The following GRIK4 variants were observed in gnomAD, a reference collection of about 807,000 sequenced individuals.
The protein encoded by GRIK4 is glutamate ionotropic receptor kainate type subunit 4, also known as glutamate receptor ionotropic, kainate 4.
Under a neutral mutation model 104.9 loss-of-function variants are expected in GRIK4, and 40 were observed. That is an observed-to-expected ratio of 0.38 (90% CI 0.30 to 0.50). GRIK4 has a LOEUF of 0.50. GRIK4 is among the 20% of genes least tolerant of loss of function. The probability of loss-of-function intolerance (pLI) is 0.93; values close to 1 mark genes in which losing one functional copy is unlikely to be tolerated. For missense variants in GRIK4, 1,047 were observed against 1,308.1 expected, an observed-to-expected ratio of 0.80 and a Z score of 3.08; for synonymous variants, 485 against 524.9, an observed-to-expected ratio of 0.92 and a Z score of 1.04.
At chr11:120,659,374 A>G (rs1466193248) in intron 2 of GRIK4, among the ~76,000 whole-genome samples, 1 of 152,202 alleles carries the variant, frequency 6.6e-6, no homozygotes, top group Admixed American at 6.5e-5. Context: ...TTTGCTAGGA[A>G]TGGACCGCTC....
intron 3 of GRIK4, among the ~76,000 whole-genome samples, chr11:120,714,157 A>T (rs1950786870): frequency 6.6e-6 from 1 of 152,246 alleles, no homozygotes; most frequent in Non-Finnish European, 1.5e-5. Flanking sequence ...CACCATGTGG[A>T]TGCAAAAGTG....
intron 1 of GRIK4, among the ~76,000 whole-genome samples, chr11:120,519,366 C>G (rs2136072211): frequency 6.6e-6 from 1 of 152,290 alleles, no homozygotes; most frequent in East Asian, 1.9e-4. Flanking sequence ...AGTCATGGAG[C>G]AGAGCCCTCA....
At chr11:120,982,006 T>C (rs1944660868) in intron 19 of GRIK4, 100 bp from the exon 20 acceptor site, 1 of 815,108 alleles carries the variant, frequency 1.2e-6, no homozygotes, top group Admixed American at 1.8e-5. Flanking sequence ...GCATCTACCA[T>C]ACTCAAGTTC....
chr11:120,615,117 CATCTT>C (rs1462796281), intron 1 of GRIK4, among the ~76,000 whole-genome samples: 1 of 152,246 alleles, frequency 6.6e-6, no homozygotes, highest in Non-Finnish European at 1.5e-5. Flanking sequence ...CTGTGTATCT[CATCTT>C]GGTCCTTTTG....
At chr11:120,751,915 C>A (rs1390660828) in intron 3 of GRIK4, among the ~76,000 whole-genome samples, 2 of 152,142 alleles carry the variant, frequency 1.3e-5, no homozygotes, top group East Asian at 3.9e-4. Flanking sequence ...GGGAGGGGAT[C>A]TCAGGAATCT....
rs1256963732 is a variant in GRIK4, at chr11:120,800,690, G to A, written c.83-2003G>A. On this transcript the variant is annotated intron_variant, in intron 3 of 20. Transcript: ENST00000527524. ...TTTATTATTCAATGAAGTTATGCAT[G>A]TAAATAAATCCACAAATCAAGGAAG... is the stretch of plus-strand genomic sequence containing the variant. Among the ~76,000 whole-genome samples, 4 of 152,216 alleles carry A rather than the reference G, an allele frequency of 2.6e-5. No individual in the cohort carries two copies. The East Asian group carries it at 7.7e-4, about 29-fold the overall frequency.
intron 1 of GRIK4, among the ~76,000 whole-genome samples, chr11:120,527,891 A>G (rs1471765392): frequency 6.6e-6 from 1 of 152,238 alleles, no homozygotes; most frequent in East Asian, 1.9e-4. Flanking sequence ...TGCTCTGGTT[A>G]ACCCCTTCAG....
chr11:120,646,450 G>A (rs1949543525), intron 1 of GRIK4, among the ~76,000 whole-genome samples: 1 of 152,176 alleles, frequency 6.6e-6, no homozygotes, highest in Non-Finnish European at 1.5e-5. Context: ...GCCTCCTTCT[G>A]GGAGTTTTGT....
intron 13 of GRIK4, among the ~76,000 whole-genome samples, chr11:120,923,482 G>A (rs1324241953): frequency 1.4e-5 from 2 of 138,500 alleles, no homozygotes; most frequent in African/African-American, 2.7e-5. Context: ...GCGCGATCTC[G>A]GCTCACTGCA....
chr11:120,669,442 TTAC>T (rs1459746766), intron 3 of GRIK4, among the ~76,000 whole-genome samples: 1 of 152,198 alleles, frequency 6.6e-6, no homozygotes, highest in Non-Finnish European at 1.5e-5. Flanking sequence ...CTTCTTCCTT[TTAC>T]AGCAAAGCTC....
intron 4 of GRIK4, among the ~76,000 whole-genome samples, chr11:120,806,001 G>C (rs191920345): frequency 9.2e-5 from 14 of 152,204 alleles, no homozygotes; most frequent in African/African-American, 3.4e-4. Context: ...ACGTAGACAG[G>C]CTGTTTAACC....
chr11:120,848,501 G>A (rs2059368186), intron 8 of GRIK4, among the ~76,000 whole-genome samples: 1 of 152,104 alleles, frequency 6.6e-6, no homozygotes, highest in Admixed American at 6.5e-5. Flanking sequence ...TCAGAGAAGG[G>A]ACCCTTCCCT....
chr11:120,718,250 C>CCA (rs1217265804), intron 3 of GRIK4, among the ~76,000 whole-genome samples: 2 of 152,088 alleles, frequency 1.3e-5, no homozygotes, highest in Non-Finnish European at 2.9e-5. Context: ...GACCTCCCAG[C>CCA]CACTCCCTCC....
chr11:120,844,514 A>G (rs1953803300), intron 8 of GRIK4, among the ~76,000 whole-genome samples: 1 of 152,212 alleles, frequency 6.6e-6, no homozygotes, highest in Non-Finnish European at 1.5e-5. Context: ...TGAAGGGAGC[A>G]TTCCATAACA....
intron 3 of GRIK4, among the ~76,000 whole-genome samples, chr11:120,774,288 T>C (rs1180624890): frequency 6.6e-6 from 1 of 152,100 alleles, no homozygotes; most frequent in African/African-American, 2.4e-5. Context: ...GTTAGAGAGC[T>C]GTGTATTAGG....
intron 1 of GRIK4, among the ~76,000 whole-genome samples, chr11:120,628,131 C>T (rs1949284331): frequency 6.6e-6 from 1 of 152,112 alleles, no homozygotes; most frequent in Non-Finnish European, 1.5e-5. Flanking sequence ...GGTGTGCTCC[C>T]AGGAGGGGTG....
chr11:120,660,157 G>A, intron 2 of GRIK4, 112 bp from the exon 3 acceptor site: 1 of 605,788 alleles, frequency 1.7e-6, no homozygotes, highest in Non-Finnish European at 3.0e-6. Context: ...AGCCCGGCAT[G>A]TAAGGAGGAA....
At chr11:120,723,954 G>T (rs763633545) in intron 3 of GRIK4, among the ~76,000 whole-genome samples, 121 of 152,166 alleles carry the variant, frequency 8.0e-4, no homozygotes, top group South Asian at 7.3e-3. Flanking sequence ...ACTCCCTTGT[G>T]CTCAGCCCCC....
chr11:120,688,627 GC>G (rs920368347), intron 3 of GRIK4, among the ~76,000 whole-genome samples: 9 of 152,210 alleles, frequency 5.9e-5, no homozygotes, highest in Non-Finnish European at 8.8e-5. Context: ...TGGGTGAGTA[GC>G]AGCATTTTGA....
Sources: allele counts gnomAD v4.1 joint callset (sites outside exome capture counted in the v4.1 genomes callset), GRCh38; gene constraint gnomAD v4.1.1; transcripts MANE v1.5; gene names NCBI Gene and HGNC (gene_info 2026-07-23, HGNC 2026-07-21).